Variants in ZDHHC11B observed in about 807,000 individuals in gnomAD.
The protein encoded by ZDHHC11B is zDHHC palmitoyltransferase 11B (putative).
In ZDHHC11B, 17 loss-of-function variants were observed where a neutral mutation model predicts 42.3. That is an observed-to-expected ratio of 0.40 (90% confidence interval 0.27 to 0.60). The LOEUF (loss-of-function observed/expected upper bound fraction) is 0.60. ZDHHC11B is among the 20% of genes least tolerant of loss of function. ZDHHC11B has a pLI of 0.41. For missense variants in ZDHHC11B, 262 were observed against 463.2 expected, an observed-to-expected ratio of 0.57 and a Z score of 3.99; for synonymous variants, 123 against 193.5, an observed-to-expected ratio of 0.64 and a Z score of 3.02.
chr5:765,998 G>A (rs1480082763), intron 4 of ZDHHC11B, among the ~76,000 whole-genome samples: 7 of 151,874 alleles, frequency 4.6e-5, no homozygotes, highest in Admixed American at 2.6e-4. Context: ...GGCACCGAAC[G>A]CAGGCCAACT....
At chr5:720,420 T>G (rs1445003690) in intron 12 of ZDHHC11B, among the ~76,000 whole-genome samples, 1 of 151,798 alleles carries the variant, frequency 6.6e-6, no homozygotes, top group East Asian at 1.9e-4. Flanking sequence ...GAGTTCTATA[T>G]GGGACAAATC....
chr5:735,733 T>G (rs1470779210), intron 10 of ZDHHC11B, among the ~76,000 whole-genome samples: 1 of 148,960 alleles, frequency 6.7e-6, no homozygotes, highest in Non-Finnish European at 1.5e-5. Flanking sequence ...CTAAATGAAG[T>G]AGAAAAAATG....
chr5:763,013 C>T (rs767717105), intron 4 of ZDHHC11B, among the ~76,000 whole-genome samples: 6 of 151,840 alleles, frequency 4.0e-5, no homozygotes, highest in Non-Finnish European at 5.9e-5. Flanking sequence ...GTGGGAAACA[C>T]TGTAAACACC....
At chr5:758,782 G>A (rs1251089621) in intron 4 of ZDHHC11B, among the ~76,000 whole-genome samples, 2 of 151,912 alleles carry the variant, frequency 1.3e-5, no homozygotes, top group African/African-American at 4.8e-5. Flanking sequence ...CCGCACACTA[G>A]GGTGCCCTGC....
chr5:721,115 T>A (rs1168441846), intron 12 of ZDHHC11B, among the ~76,000 whole-genome samples: 1 of 151,602 alleles, frequency 6.6e-6, no homozygotes, highest in Non-Finnish European at 1.5e-5. Flanking sequence ...AAAAAAAATC[T>A]AAGTTGGTAT....
chr5:758,682 C>A (rs1250203798), intron 4 of ZDHHC11B, among the ~76,000 whole-genome samples: 1 of 151,724 alleles, frequency 6.6e-6, no homozygotes, highest in Non-Finnish European at 1.5e-5. Context: ...GGACTCCCCC[C>A]CACCAAGATT....
At chr5:766,472 G>A (rs1735392894) in intron 4 of ZDHHC11B, among the ~76,000 whole-genome samples, 1 of 151,900 alleles carries the variant, frequency 6.6e-6, no homozygotes. Context: ...GATGGGCCAC[G>A]CAGGAATGGC....
chr5:720,592 G>T (rs1024948515), intron 12 of ZDHHC11B, among the ~76,000 whole-genome samples: 1 of 151,840 alleles, frequency 6.6e-6, no homozygotes, highest in Non-Finnish European at 1.5e-5. Flanking sequence ...AAGAAATAAA[G>T]AACATTGGTA....
intron 10 of ZDHHC11B, among the ~76,000 whole-genome samples, chr5:741,074 G>A (rs1396403477): frequency 8.1e-6 from 1 of 123,308 alleles, no homozygotes; most frequent in Non-Finnish European, 1.8e-5. Flanking sequence ...AAAATAAAAC[G>A]AACCGCACTG....
At chr5:757,788 C>T (rs1734064390) in intron 4 of ZDHHC11B, among the ~76,000 whole-genome samples, 1 of 151,788 alleles carries the variant, frequency 6.6e-6, no homozygotes, top group Non-Finnish European at 1.5e-5. Flanking sequence ...ATCTGGATGC[C>T]AAGGGGATGG....
chr5:745,956 C>G (rs1744758812), intron 8 of ZDHHC11B, among the ~76,000 whole-genome samples: 1 of 149,426 alleles, frequency 6.7e-6, no homozygotes, highest in African/African-American at 2.5e-5. Context: ...AGACAGGTCA[C>G]CATCCCTGTA....
intron 1 of ZDHHC11B, among the ~76,000 whole-genome samples, chr5:774,392 GCT>G (rs1398953592): frequency 1.3e-5 from 2 of 152,208 alleles, no homozygotes; most frequent in African/African-American, 4.8e-5. Context: ...GACTGACCGG[GCT>G]CTGTCACTAG....
At position 724,485 on chromosome 5, in the gene ZDHHC11B, C is replaced by CCTGCTGAG. The variant is rs1450714532; in HGVS notation, c.1058+5948_1058+5949insCTCAGCAG. ...CCGCCTCCTGGGTTCACGCCATTCT[C>CCTGCTGAG]CTGCCTCAGCCTCCCGAGTAGCTGG... On this transcript the variant is annotated intron_variant, in intron 12 of 13. Coordinates refer to ENST00000508859, the MANE Select transcript of ZDHHC11B (RefSeq NM_001351303.2). 3.2e-4 allele frequency among the ~76,000 whole-genome samples: 46 copies of CCTGCTGAG among 143,908 alleles called. 1 individual carries two copies. Among genetic ancestry groups the CCTGCTGAG allele is most frequent in the African/African-American group, 1.2e-3 (45 of 38,636 alleles). The allele number at this position is 143,908 out of a possible 152,430, so 94.4% of individuals were successfully genotyped here.
At chr5:784,546 C>T (rs1428534999) in intron 1 of ZDHHC11B, among the ~76,000 whole-genome samples, 122 bp downstream of exon 1, 5 of 152,244 alleles carry the variant, frequency 3.3e-5, no homozygotes, top group Non-Finnish European at 7.3e-5. Flanking sequence ...GGGAATGTGG[C>T]TCGGGGGAGC....
chr5:746,679 A>G lies in ZDHHC11B; in HGVS notation c.785-1381T>C, dbSNP rs1168047348. On this transcript the variant is annotated intron_variant, in intron 8 of 13. Coordinates refer to ENST00000508859, the MANE Select transcript of ZDHHC11B (RefSeq NM_001351303.2). ...TCTCTGCAGCACAAGGGCCAGCCAC[A>G]CTTGTTTGTGTCTCATTCTTCATCC... Among the ~76,000 whole-genome samples, 16 of 150,386 alleles carry G rather than the reference A, an allele frequency of 1.1e-4. 1 individual carries two copies. Among genetic ancestry groups the G allele is most frequent in the African/African-American group, 3.9e-4 (16 of 41,194 alleles).
chr5:756,247 C>T (rs1202046949), intron 4 of ZDHHC11B, 103 bp from the exon 5 acceptor site: 9 of 1,507,422 alleles, frequency 6.0e-6, no homozygotes, highest in African/African-American at 1.4e-5. Context: ...CTGGTCAGCC[C>T]TGCTCACCCA....
Position 722,355 on chromosome 5 carries a change from A to C in ZDHHC11B, c.1059-5490T>G, listed in dbSNP as rs1226087986. ...TATATAAAAACTCATATAAATCAAT[A>C]AGAAAAGCACAAAGAGTCCAGTGGA... is the stretch of plus-strand genomic sequence containing the variant. On this transcript the variant is annotated intron_variant, in intron 12 of 13. Coordinates refer to ENST00000508859, the MANE Select transcript of ZDHHC11B (RefSeq NM_001351303.2). 1.3e-5 allele frequency among the ~76,000 whole-genome samples: 2 copies of C among 151,692 alleles called. 1 individual carries two copies. Among genetic ancestry groups the C allele is most frequent in the Admixed American group, 1.3e-4 (2 of 15,222 alleles).
At chr5:771,747 G>A (rs1736070845) in intron 1 of ZDHHC11B, among the ~76,000 whole-genome samples, 1 of 151,026 alleles carries the variant, frequency 6.6e-6, no homozygotes, top group South Asian at 2.1e-4. Context: ...AACAGTGGTG[G>A]GCGTGCGGGT....
At chr5:731,919 G>C (rs1290727436) in intron 11 of ZDHHC11B, 26 of 152,528 alleles carry the variant, frequency 1.7e-4, no homozygotes, top group East Asian at 3.8e-4. Context: ...AGCTGCTGCA[G>C]CACAGTCATT....
Sources: gnomAD v4.1 joint callset for allele counts (sites outside exome capture counted in the v4.1 genomes callset) on GRCh38, gnomAD v4.1.1 for gene constraint, MANE v1.5 for transcripts, NCBI Gene and HGNC (gene_info 2026-07-23, HGNC 2026-07-21) for gene names.